CPM: variants seen among roughly 807,000 people sequenced by gnomAD.
The protein encoded by CPM is carboxypeptidase M, also known as renal carboxypeptidase.
Under a neutral mutation model 46.4 loss-of-function variants are expected in CPM, and 35 were observed. That is an observed-to-expected ratio of 0.75 (90% CI 0.58 to 1.00). The LOEUF is 1.00. Among genes scored for constraint, CPM ranks in the 50% least tolerant of loss-of-function variants. The pLI is 0.00. For missense variants in CPM, 422 were observed against 530.4 expected (o/e 0.80, Z 2.01); for synonymous variants, 195 against 195.3 (o/e 1.00, Z 0.01).
intron 4 of CPM, 77 bp from the exon 5 acceptor site, chr12:68,870,476 T>G (rs1885645170): frequency 7.5e-7 from 1 of 1,331,224 alleles, no homozygotes; most frequent in South Asian, 1.3e-5. Context: ...TGCCCTTTGG[T>G]TTAGGCTCCA....
intron 2 of CPM, among the ~76,000 whole-genome samples, chr12:68,899,342 G>A (rs1019655158): frequency 2.6e-5 from 4 of 152,204 alleles, no homozygotes; most frequent in Non-Finnish European, 2.9e-5. Context: ...GTGCTGAACT[G>A]GGAAGCCGCA....
chr12:68,948,909 A>G (rs940774852), intron 1 of CPM, among the ~76,000 whole-genome samples: 2 of 152,224 alleles, frequency 1.3e-5, no homozygotes, highest in African/African-American at 2.4e-5. Flanking sequence ...CCAGTGGCAG[A>G]TTGGAGTGGA....
intron 3 of CPM, among the ~76,000 whole-genome samples, chr12:68,881,088 C>T (rs1169009341): frequency 1.3e-5 from 2 of 152,188 alleles, no homozygotes; most frequent in Non-Finnish European, 2.9e-5. Context: ...GATTTTGCTA[C>T]CCGGAGTTTG....
chr12:68,869,267 A>T, intron 6 of CPM, 58 bp downstream of exon 6: 2 of 1,540,078 alleles, frequency 1.3e-6, no homozygotes, highest in Admixed American at 3.9e-5. Flanking sequence ...AAAATAAACC[A>T]GCTGGCACTT....
At position 68,926,446 on chromosome 12, in the gene CPM, T is replaced by C. The variant is rs533786196; in HGVS notation, c.160+6232A>G. Among the ~76,000 whole-genome samples the C allele has an allele frequency of 1.5e-4, 23 of 152,280 alleles. No individual in the cohort carries two copies. In the South Asian group the frequency reaches 4.4e-3, roughly 29 times the overall value. ...CAGCTCTAGATCCTTGGTAGAGCTA[T>C]ACCTTCAGGTCAAATGTGCCCAAAC... On this transcript the variant is annotated intron_variant, in intron 2 of 8. Transcript: ENST00000551568.
intron 1 of CPM, among the ~76,000 whole-genome samples, chr12:68,950,714 C>T (rs745618700): frequency 1.3e-5 from 2 of 152,190 alleles, no homozygotes; most frequent in African/African-American, 2.4e-5. Flanking sequence ...TCAGCTTCCG[C>T]GACCCCCAGG....
At chr12:68,889,936 C>T (rs1429859029) in intron 2 of CPM, among the ~76,000 whole-genome samples, 1 of 152,174 alleles carries the variant, frequency 6.6e-6, no homozygotes, top group African/African-American at 2.4e-5. Context: ...ATAGCAGTTA[C>T]GTCAGACTAG....
In CPM at chr12:68,915,223, C is replaced by CT. The variant is rs1380481437; in HGVS notation, c.160+17454dup. 5.3e-5 allele frequency among the ~76,000 whole-genome samples: 8 copies of CT among 152,052 alleles called. No individual in the cohort carries two copies. In the East Asian group the frequency reaches 1.4e-3, roughly 26 times the overall value. On this transcript the variant is annotated intron_variant, in intron 2 of 8. Transcript: ENST00000551568. ...TGTTCTTTGAACAATCTATTTTTTT[C>CT]TTTTAAACCACAATGACAAAAGCCT... is the stretch of plus-strand genomic sequence containing the variant.
intron 2 of CPM, among the ~76,000 whole-genome samples, chr12:68,908,186 A>C (rs1887432535): frequency 6.6e-6 from 1 of 152,182 alleles, no homozygotes; most frequent in African/African-American, 2.4e-5. Flanking sequence ...AGGGATTAAA[A>C]ATTCCATTAC....
At chr12:68,938,850 CTA>C (rs1194888774) in intron 1 of CPM, among the ~76,000 whole-genome samples, 9 of 149,342 alleles carry the variant, frequency 6.0e-5, no homozygotes, top group East Asian at 2.0e-4. Context: ...ACATATATAT[CTA>C]TATGTGTATA....
chr12:68,903,799 T>C (rs1422854977), intron 2 of CPM, among the ~76,000 whole-genome samples: 1 of 150,884 alleles, frequency 6.6e-6, no homozygotes, highest in Non-Finnish European at 1.5e-5. Flanking sequence ...CCTCCCTCCC[T>C]CTGTCTCTCC....
At chr12:68,915,100 A>C (rs995849487) in intron 2 of CPM, among the ~76,000 whole-genome samples, 20 of 152,088 alleles carry the variant, frequency 1.3e-4, no homozygotes, top group Non-Finnish European at 5.9e-5. Flanking sequence ...CAGCGAACAG[A>C]ATGTCCTATG....
chr12:68,893,825 T>G (rs1476449170), intron 2 of CPM, among the ~76,000 whole-genome samples: 1 of 152,210 alleles, frequency 6.6e-6, no homozygotes, highest in Non-Finnish European at 1.5e-5. Flanking sequence ...TGGGCCTTGT[T>G]GAGGTTGTGG....
upstream of CPM, among the ~76,000 whole-genome samples, chr12:68,934,635 TGTGCCCTA>T (rs1888637444): frequency 6.6e-6 from 1 of 152,044 alleles, no homozygotes; most frequent in Admixed American, 6.6e-5. Flanking sequence ...GTTGTGCACA[TGTGCCCTA>T]GAACTTAAAG....
intron 7 of CPM, among the ~76,000 whole-genome samples, chr12:68,864,800 C>G (rs1444717087): frequency 6.6e-6 from 1 of 152,142 alleles, no homozygotes; most frequent in Non-Finnish European, 1.5e-5. Flanking sequence ...TCGCTTGAGC[C>G]CAGGAGTTTG....
chr12:68,855,562 T>C lies in CPM; in HGVS notation c.*875A>G, dbSNP rs1315303644. On this transcript the variant is annotated 3_prime_UTR_variant, in exon 9 of 9. Coordinates refer to ENST00000551568, the MANE Select transcript of CPM (RefSeq NM_198320.5). ...ACAATCTTATCCCTTCAGGCCTGTA[T>C]TTTCTTGGGCCACTAAGATGTGGTT... 1 of 152,078 alleles carries C rather than the reference T, an allele frequency of 6.6e-6. No homozygotes were observed. The highest frequency in any genetic ancestry group is 2.4e-5 in the African/African-American group (1 of 41,414). The allele number at this position is 152,078 out of a possible 1,614,324, so 9.4% of individuals were successfully genotyped here. A position where few individuals can be genotyped will look rare whatever the true frequency, so the allele number is the denominator to read the frequency against.
At chr12:68,925,622 T>C (rs1328723345) in intron 2 of CPM, among the ~76,000 whole-genome samples, 1 of 152,208 alleles carries the variant, frequency 6.6e-6, no homozygotes, top group Admixed American at 6.5e-5. Flanking sequence ...AATAAGATAT[T>C]TGACTCAGGG....
At chr12:68,961,034 C>T (rs1475695446) in intron 1 of CPM, among the ~76,000 whole-genome samples, 1 of 152,176 alleles carries the variant, frequency 6.6e-6, no homozygotes, top group African/African-American at 2.4e-5. Context: ...TTGTAAATGT[C>T]CACTTACTGG....
At chr12:68,880,039 ATATCTG>A (rs1435336606) in intron 3 of CPM, among the ~76,000 whole-genome samples, 7 of 152,032 alleles carry the variant, frequency 4.6e-5, no homozygotes, top group African/African-American at 1.7e-4. Context: ...GGCAATCTGA[ATATCTG>A]TAGCATACAG....
Sources: gnomAD v4.1 joint callset for allele counts (sites outside exome capture counted in the v4.1 genomes callset) on GRCh38, gnomAD v4.1.1 for gene constraint, MANE v1.5 for transcripts, NCBI Gene and HGNC (gene_info 2026-07-23, HGNC 2026-07-21) for gene names.